The following ADGRV1 variants were observed in gnomAD, a reference collection of about 807,000 sequenced individuals.
ADGRV1 encodes G-protein coupled receptor 98.
Under a neutral mutation model 596.2 loss-of-function variants are expected in ADGRV1, and 359 were observed. The observed-to-expected ratio is 0.60, with a 90% confidence interval of 0.55 to 0.66. The LOEUF is 0.66. Ranked by LOEUF, ADGRV1 falls within the 30% of genes least tolerant of loss-of-function variation. The probability of loss-of-function intolerance (pLI) is 0.00; values close to 1 mark genes in which losing one functional copy is unlikely to be tolerated. For missense variants in ADGRV1, 7,274 were observed against 7,575.6 expected (o/e 0.96, Z 1.48); for synonymous variants, 2,681 against 2,679.2 (o/e 1.00, Z -0.02).
intron 52 of ADGRV1, among the ~76,000 whole-genome samples, chr5:90,748,448 A>C (rs1754868973): frequency 7.1e-6 from 1 of 141,184 alleles, no homozygotes; most frequent in South Asian, 2.4e-4. Context: ...TATTGAGGAA[A>C]TAGTTTACAT....
chr5:90,732,256 A>C (rs1752650827), intron 50 of ADGRV1, among the ~76,000 whole-genome samples: 1 of 152,292 alleles, frequency 6.6e-6, no homozygotes, highest in African/African-American at 2.4e-5. Context: ...CTCCTGCCTC[A>C]AAGTGCTGGG....
chr5:90,977,442 A>G (rs1779709127), intron 84 of ADGRV1, among the ~76,000 whole-genome samples: 1 of 152,236 alleles, frequency 6.6e-6, no homozygotes, highest in South Asian at 2.1e-4. Context: ...AACAACAGTC[A>G]GGATACCAAT....
chr5:90,767,380 A>G (rs1757252216), intron 59 of ADGRV1, among the ~76,000 whole-genome samples: 1 of 152,210 alleles, frequency 6.6e-6, no homozygotes, highest in Non-Finnish European at 1.5e-5. Context: ...AAAAACAAAA[A>G]TACCAATAAA....
Position 90,694,551 on chromosome 5 carries a change from C to T in ADGRV1, c.7795C>T (p.Gln2599Ter), listed in dbSNP as rs761372784. ...TSEDGLFVEV[Q>*]EQPQTLVELM... ...CGAAGATGGCTTATTTGTTGAAGTT[C>T]AGGAGCAGCCCCAAACCTTGGTGGA... The change falls in exon 33 of 90, where the codon CAG becomes TAG. Residue 2599 changes from glutamine to a stop codon, truncating the protein, a stop_gained. Transcript: ENST00000405460. LOFTEE classifies it high-confidence loss of function. The T allele has an allele frequency of 6.2e-7, 1 of 1,613,718 alleles. No individual in the cohort carries two copies. Among genetic ancestry groups the T allele is most frequent in the African/African-American group, 1.3e-5 (1 of 74,874 alleles).
At chr5:90,794,858 T>A (rs1760496947) in intron 70 of ADGRV1, among the ~76,000 whole-genome samples, 2 of 151,954 alleles carry the variant, frequency 1.3e-5, no homozygotes, top group African/African-American at 4.8e-5. Flanking sequence ...GGGTGACGCC[T>A]CACCTGGGAA....
At chr5:90,885,063 A>G (rs1254176341) in intron 83 of ADGRV1, among the ~76,000 whole-genome samples, 1 of 152,068 alleles carries the variant, frequency 6.6e-6, no homozygotes, top group Non-Finnish European at 1.5e-5. Context: ...ATTGTTTTAT[A>G]TCTAGCTCCT....
chr5:90,801,329 C>T (rs1043914963), intron 70 of ADGRV1, among the ~76,000 whole-genome samples: 2 of 152,002 alleles, frequency 1.3e-5, no homozygotes, highest in Non-Finnish European at 2.9e-5. Flanking sequence ...CTGTGTGTAC[C>T]GGATGGGCCT....
rs773996398 is a variant in ADGRV1, at chr5:90,558,869, CCGGCGGGGACCGCCGGGA to C, written c.-26_-9del. On this transcript the variant is annotated 5_prime_UTR_variant, in exon 1 of 90. Coordinates refer to ENST00000405460, the MANE Select transcript of ADGRV1 (RefSeq NM_032119.4). ...AGGCAGAGCGAGGGTGTGTGGAGGG[CCGGCGGGGACCGCCGGGA>C]GCGCGCGGATGTCGGTGTTCCTGGG... is the stretch of plus-strand genomic sequence containing the variant. 4.6e-5 allele frequency: 72 copies of C among 1,559,994 alleles called. No individual in the cohort carries two copies. The Middle Eastern group carries it at 4.9e-3, about 106-fold the overall frequency.
rs74959646 is a variant in ADGRV1, at chr5:90,696,779, T to C, written c.7946-158T>C. 3.6e-3 allele frequency among the ~76,000 whole-genome samples: 550 copies of C among 152,130 alleles called. 4 individuals are homozygous for C. The highest frequency in any genetic ancestry group is 0.012 in the East Asian group (60 of 5,186). On this transcript the variant is annotated intron_variant, in intron 33 of 89. Transcript: ENST00000405460. ...ATATGTGAAAAGATATATATATATA[T>C]AATTAAAATTTGCTTATGTTGCCCA... is the stretch of plus-strand genomic sequence containing the variant.
In ADGRV1 at chr5:90,583,650, C is replaced by T. The variant is rs578159236; in HGVS notation, c.22+24733C>T. Among the ~76,000 whole-genome samples the T allele has an allele frequency of 1.2e-4, 18 of 152,126 alleles. No individual in the cohort carries two copies. In the South Asian group the frequency reaches 1.9e-3, roughly 16 times the overall value. ...TTCTGTTGAGGTATCATGATAGCCA[C>T]AAAAAACATCTAGGCCTACAACTAA... On this transcript the variant is annotated intron_variant, in intron 1 of 89. Transcript: ENST00000405460.
chr5:91,065,570 G>T (rs1787812879), intron 85 of ADGRV1, among the ~76,000 whole-genome samples: 1 of 152,160 alleles, frequency 6.6e-6, no homozygotes, highest in South Asian at 2.1e-4. Flanking sequence ...GTTGTAAGCG[G>T]AGTTCATGTC....
chr5:91,093,442 C>T (rs1012408062), intron 86 of ADGRV1, among the ~76,000 whole-genome samples: 1 of 152,222 alleles, frequency 6.6e-6, no homozygotes, highest in Non-Finnish European at 1.5e-5. Context: ...ATGAAAAGAG[C>T]AGCAGTAAAA....
intron 76 of ADGRV1, among the ~76,000 whole-genome samples, chr5:90,824,705 A>G (rs192814372): frequency 7.9e-5 from 12 of 152,348 alleles, no homozygotes; most frequent in Admixed American, 6.5e-4. Context: ...TTTACGTGAA[A>G]CAATGTGCTG....
intron 70 of ADGRV1, among the ~76,000 whole-genome samples, chr5:90,801,261 C>G (rs1166540037): frequency 6.6e-6 from 1 of 152,118 alleles, no homozygotes; most frequent in Non-Finnish European, 1.5e-5. Flanking sequence ...TGCTCTAACT[C>G]ATGTTCCATT....
chr5:90,627,163 G>C, intron 6 of ADGRV1, 48 bp from the exon 7 acceptor site: 1 of 1,003,184 alleles, frequency 1.0e-6, no homozygotes. Flanking sequence ...TTTATTTGCA[G>C]GTGTTTTGGC....
rs138476984 is a variant in ADGRV1 at position 90,685,597 on chromosome 5, TATAAATAAATAA to T, written c.6275-149_6275-138del. 0.025 allele frequency among the ~76,000 whole-genome samples: 3,621 copies of T among 142,254 alleles called. 150 individuals are homozygous for T. The highest frequency in any genetic ancestry group is 0.086 in the African/African-American group (3,282 of 38,108). The allele number at this position is 142,254 out of a possible 152,430, so 93.3% of individuals were successfully genotyped here. ...GCCTGCGTGGTAGAGAGTCCATCTC[TATAAATAAATAA>T]ATAAATAAATAAATAAATAAATAAA... On this transcript the variant is annotated intron_variant, in intron 28 of 89. Transcript: ENST00000405460.
chr5:91,160,169 CACA>C (rs1450696799), intron 89 of ADGRV1, among the ~76,000 whole-genome samples: 2 of 152,164 alleles, frequency 1.3e-5, no homozygotes, highest in Non-Finnish European at 1.5e-5. Flanking sequence ...AGTCCTTGAA[CACA>C]AATGAAAACA....
At chr5:90,892,878 A>G (rs528387138) in intron 83 of ADGRV1, among the ~76,000 whole-genome samples, 9 of 152,278 alleles carry the variant, frequency 5.9e-5, no homozygotes, top group African/African-American at 2.2e-4. Flanking sequence ...GCTTATTTCT[A>G]TCCATAATCT....
At chr5:90,919,683 A>T (rs767262160) in intron 83 of ADGRV1, among the ~76,000 whole-genome samples, 24 of 152,190 alleles carry the variant, frequency 1.6e-4, no homozygotes, top group Non-Finnish European at 2.4e-4. Flanking sequence ...AAATGTATGT[A>T]CTACTAGAAT....
Sources: allele counts gnomAD v4.1 joint callset (sites outside exome capture counted in the v4.1 genomes callset), GRCh38; gene constraint gnomAD v4.1.1; transcripts MANE v1.5; gene names NCBI Gene and HGNC (gene_info 2026-07-23, HGNC 2026-07-21).